The following AKAP6 variants were observed in gnomAD, a reference collection of about 807,000 sequenced individuals.
AKAP6 encodes A-kinase anchor protein 6.
In AKAP6, 58 loss-of-function variants were observed where a neutral mutation model predicts 188.5. The observed-to-expected ratio is 0.31, with a 90% CI of 0.25 to 0.38. AKAP6 has a LOEUF of 0.38. AKAP6 is among the 10% of genes least tolerant of loss of function. The probability of loss-of-function intolerance (pLI) is 1.00; values close to 1 mark genes in which losing one functional copy is unlikely to be tolerated. For missense variants in AKAP6, 2,710 were observed against 2,740.0 expected (o/e 0.99, Z 0.24); for synonymous variants, 989 against 998.6 (o/e 0.99, Z 0.18).
intron 4 of AKAP6, among the ~76,000 whole-genome samples, chr14:32,565,903 C>A (rs1884164706): frequency 6.6e-6 from 1 of 152,188 alleles, no homozygotes; most frequent in Admixed American, 6.5e-5. Context: ...TTTTCTGAAT[C>A]ACTTACACTT....
At chr14:32,819,742 G>C (rs2034472512) in intron 12 of AKAP6, among the ~76,000 whole-genome samples, 1 of 152,034 alleles carries the variant, frequency 6.6e-6, no homozygotes, top group Non-Finnish European at 1.5e-5. Flanking sequence ...TTGAATCCAG[G>C]AGTTCAAGAC....
chr14:32,750,282 T>A (rs114811817), intron 11 of AKAP6, among the ~76,000 whole-genome samples: 1 of 152,164 alleles, frequency 6.6e-6, no homozygotes, highest in East Asian at 1.9e-4. Context: ...TGAGCTTTTT[T>A]TTCCTGTGTC....
chr14:32,782,296 C>T (rs1432428227), intron 12 of AKAP6, among the ~76,000 whole-genome samples: 2 of 150,336 alleles, frequency 1.3e-5, no homozygotes, highest in Non-Finnish European at 3.0e-5. Context: ...AAACAGTTAA[C>T]ATCATACTCA....
chr14:32,399,045 G>A (rs1167355257), intron 1 of AKAP6, among the ~76,000 whole-genome samples: 1 of 151,362 alleles, frequency 6.6e-6, no homozygotes, highest in Non-Finnish European at 1.5e-5. Flanking sequence ...GTAGAGACAG[G>A]GTTTCACTGT....
chr14:32,784,244 C>T (rs552969347), intron 12 of AKAP6, among the ~76,000 whole-genome samples: 3 of 152,250 alleles, frequency 2.0e-5, no homozygotes, highest in East Asian at 1.9e-4. Flanking sequence ...TTAAGCATTT[C>T]CTATAAGTCC....
chr14:32,445,724 A>G (rs1252609096), intron 2 of AKAP6, among the ~76,000 whole-genome samples: 3 of 152,176 alleles, frequency 2.0e-5, no homozygotes, highest in African/African-American at 4.8e-5. Context: ...ATAATCATAG[A>G]CACAGCATTC....
At chr14:32,787,855 C>T (rs969109771) in intron 12 of AKAP6, among the ~76,000 whole-genome samples, 1 of 151,512 alleles carries the variant, frequency 6.6e-6, no homozygotes, top group African/African-American at 2.4e-5. Context: ...TATGCAAGTA[C>T]ATTACATAGA....
intron 1 of AKAP6, among the ~76,000 whole-genome samples, chr14:32,338,286 A>G (rs1438582391): frequency 6.6e-6 from 1 of 152,136 alleles, no homozygotes; most frequent in Admixed American, 6.6e-5. Context: ...ATATGCTCAG[A>G]TACCCAAACA....
chr14:32,607,984 T>C (rs913101127), intron 7 of AKAP6, among the ~76,000 whole-genome samples: 6 of 152,168 alleles, frequency 3.9e-5, no homozygotes, highest in Non-Finnish European at 8.8e-5. Flanking sequence ...GTTACTTCTT[T>C]GAAGATCAGT....
chr14:32,570,199 C>T (rs1053974009), intron 4 of AKAP6, among the ~76,000 whole-genome samples: 4 of 137,776 alleles, frequency 2.9e-5, no homozygotes, highest in African/African-American at 5.3e-5. Context: ...GGAGCAATCT[C>T]GGCTCACTGC....
At chr14:32,599,341 G>C (rs1388313101) in intron 5 of AKAP6, 69 bp from the exon 6 acceptor site, 16 of 1,328,896 alleles carry the variant, frequency 1.2e-5, no homozygotes, top group Non-Finnish European at 1.6e-5. Flanking sequence ...AAAGTAGCAA[G>C]TAATTTTATA....
chr14:32,624,797 T>G (rs1886949859), intron 7 of AKAP6, among the ~76,000 whole-genome samples: 1 of 152,168 alleles, frequency 6.6e-6, no homozygotes, highest in Admixed American at 6.6e-5. Flanking sequence ...TACCAATTGC[T>G]ATTAACTTGT....
chr14:32,400,881 G>T (rs373847091), intron 1 of AKAP6, among the ~76,000 whole-genome samples: 7 of 152,252 alleles, frequency 4.6e-5, no homozygotes, highest in African/African-American at 1.4e-4. Flanking sequence ...CTGGTGGCCT[G>T]GGGACCACAA....
rs562639626 is a variant in AKAP6 at position 32,735,497 on chromosome 14, G to A, written c.3148-161G>A. Among the ~76,000 whole-genome samples the A allele has an allele frequency of 4.6e-5, 7 of 152,212 alleles. No homozygotes were observed. The East Asian group carries it at 1.3e-3, about 29-fold the overall frequency. On this transcript the variant is annotated intron_variant, in intron 10 of 13. Coordinates refer to ENST00000280979, the MANE Select transcript of AKAP6 (RefSeq NM_004274.5). ...ATCTGAACTGAATGTCAGTAGTGAGGTGGCAGGTATAGATGGACTCTTCCA... is the reference window on the plus strand; with the variant it reads ...ATCTGAACTGAATGTCAGTAGTGAGATGGCAGGTATAGATGGACTCTTCCA...
chr14:32,654,851 G>C (rs1888388626), intron 7 of AKAP6, among the ~76,000 whole-genome samples: 2 of 78,086 alleles, frequency 2.6e-5, no homozygotes, highest in Admixed American at 2.6e-4. Flanking sequence ...CCTGTCTCAG[G>C]AATAAAAAAA....
At chr14:32,645,590 T>C (rs1349819898) in intron 7 of AKAP6, among the ~76,000 whole-genome samples, 1 of 152,164 alleles carries the variant, frequency 6.6e-6, no homozygotes, top group Non-Finnish European at 1.5e-5. Flanking sequence ...CTACATTGTA[T>C]ATTTCTTGAT....
chr14:32,557,414 A>T (rs1163975054), intron 4 of AKAP6, among the ~76,000 whole-genome samples: 30 of 150,852 alleles, frequency 2.0e-4, no homozygotes, highest in Non-Finnish European at 5.9e-5. Context: ...CTACTCTTTT[A>T]AAAAAAGTCC....
intron 9 of AKAP6, among the ~76,000 whole-genome samples, chr14:32,723,917 G>A (rs2030703429): frequency 2.0e-5 from 3 of 152,158 alleles, no homozygotes; most frequent in South Asian, 4.1e-4. Context: ...GTGAGGTGTT[G>A]GAGCTGGCTA....
At chr14:32,587,778 T>C (rs1190110106) in intron 5 of AKAP6, among the ~76,000 whole-genome samples, 7 of 152,126 alleles carry the variant, frequency 4.6e-5, no homozygotes, top group Admixed American at 4.6e-4. Context: ...CTGGGCAAGA[T>C]TTGAGTGTAG....
Sources: gnomAD v4.1 joint callset for allele counts (sites outside exome capture counted in the v4.1 genomes callset) on GRCh38, gnomAD v4.1.1 for gene constraint, MANE v1.5 for transcripts, NCBI Gene and HGNC (gene_info 2026-07-23, HGNC 2026-07-21) for gene names.